Variants in TFPI2 observed in about 807,000 individuals in gnomAD.
TFPI2 encodes the protein placental protein 5.
A neutral mutation model predicts 23.1 loss-of-function variants in TFPI2; 23 were observed. The ratio of observed to expected loss-of-function variants is 1.00; its 90% CI spans 0.72 to 1.41. The LOEUF (loss-of-function observed/expected upper bound fraction) is 1.41. Among genes scored for constraint, TFPI2 ranks in the 40% most tolerant of loss-of-function variants. The pLI is 0.00. For missense variants in TFPI2, 291 were observed against 299.6 expected (o/e 0.97, Z 0.21); for synonymous variants, 119 against 111.7 (o/e 1.07, Z -0.41).
chr7:93,887,384 T>C lies in TFPI2; in HGVS notation c.508A>G (p.Asn170Asp), dbSNP rs1330815192. The C allele has an allele frequency of 1.2e-6, 2 of 1,613,694 alleles. No homozygotes were observed. Among genetic ancestry groups the C allele is most frequent in the Non-Finnish European group, 1.7e-6 (2 of 1,179,810 alleles). The part of the protein sequence containing the change: ...SPKDEGLCSA[N>D]VTRYYFNPRY... ...GGATTAAAATAATAGCGAGTCACAT[T>C]GGCAGAGCACAGTCCCTCATCTTTT... is the stretch of plus-strand genomic sequence containing the variant. Residue 170 changes from asparagine (N) to aspartate (D), a missense_variant, in exon 4 of 5, where the codon AAT (asparagine) becomes GAT (aspartate). Coordinates refer to ENST00000222543, the MANE Select transcript of TFPI2 (RefSeq NM_006528.4).
In TFPI2 at chr7:93,888,011, T is replaced by C. The variant is rs550946222; in HGVS notation, c.461-580A>G. On this transcript the variant is annotated intron_variant, in intron 3 of 4. Transcript: ENST00000222543. ...CAAGTTTTCCTTGTTTGTTGAACTT[T>C]TCAAAAATCTCTGTGTCTGGGGGAA... Among the ~76,000 whole-genome samples, 69 of 152,352 alleles carry C rather than the reference T, an allele frequency of 4.5e-4. No homozygotes were observed. The South Asian group carries it at 0.014, about 30-fold the overall frequency.
chr7:93,890,281 C>G lies in TFPI2; in HGVS notation c.127G>C (p.Gly43Arg). 6.2e-7 allele frequency: 1 copy of G among 1,613,250 alleles called. No homozygotes were observed. The highest frequency in any genetic ancestry group is 8.5e-7 in the Non-Finnish European group (1 of 1,179,332). ...CGGAGAAGTAGGGCCCGGCAGGGTC[C>G]GTAGTCTAGGGGCAGGAGACAGATC... ...AEICLLPLDY[G>R]PCRALLLRYY... The change falls in exon 2 of 5, where the codon GGA becomes CGA. Residue 43 changes from glycine (G) to arginine (R), a missense_variant. Physicochemically the swap from Gly to Arg is moderately radical, Grantham distance 125 (BLOSUM62 -2). Coordinates refer to ENST00000222543, the MANE Select transcript of TFPI2 (RefSeq NM_006528.4).
rs1409311544 is a variant in TFPI2 at position 93,890,242 on chromosome 7, T to C, written c.166A>G (p.Arg56Gly). Residue 56 changes from arginine to glycine, a missense_variant, in exon 2 of 5, where the codon AGG becomes GGG. Arg to Gly is a moderately radical substitution (Grantham distance 125). Coordinates refer to ENST00000222543, the MANE Select transcript of TFPI2 (RefSeq NM_006528.4). ...RALLLRYYYD[R>G]YTQSCRQFLY... ...AACTGGCGGCAGCTCTGCGTGTACC[T>C]GTCGTAGTAGTAACGGAGAAGTAGG... is the stretch of plus-strand genomic sequence containing the variant. 2 of 1,613,876 alleles carry C rather than the reference T, an allele frequency of 1.2e-6. No homozygotes were observed. The highest frequency in any genetic ancestry group is 1.3e-5 in the African/African-American group (1 of 74,918).
chr7:93,889,335 G>T, intron 2 of TFPI2, 112 bp from the exon 3 acceptor site: 1 of 1,007,838 alleles, frequency 9.9e-7, no homozygotes. Context: ...ATTAGTGTTG[G>T]GATAGTAAAT....
rs1793969372 is a variant in TFPI2, at chr7:93,885,448, TG to T, written c.*1371del. On this transcript the variant is annotated 3_prime_UTR_variant, in exon 5 of 5. Coordinates refer to ENST00000222543, the MANE Select transcript of TFPI2 (RefSeq NM_006528.4). The stretch of plus-strand genomic sequence containing the variant: ...TTATTAATTATGTCAAATATTTACA[TG>T]GTCCAAGATAAAAACTATATCACAG... The T allele has an allele frequency of 6.6e-6, 1 of 152,102 alleles. No homozygotes were observed. The highest frequency in any genetic ancestry group is 6.6e-5 in the Admixed American group (1 of 15,260). 9.4% of individuals were successfully genotyped at this position (152,102 alleles called of 1,614,324 possible).
chr7:93,888,968 T>C, intron 3 of TFPI2, 67 bp downstream of exon 3: 1 of 1,420,562 alleles, frequency 7.0e-7, no homozygotes, highest in South Asian at 1.3e-5. Context: ...CGCATCAAAT[T>C]GAGTTTTTTC....
In TFPI2 at chr7:93,890,388, A is replaced by G. The variant is rs151142698; in HGVS notation, c.89-69T>C. ...CAGGCGTAGCTCCTAGGAGGAAAGA[A>G]CATCCCGGGGAGTTCTGTCCCCTTC... On this transcript the variant is annotated intron_variant, in intron 1 of 4. Transcript: ENST00000222543. 2.8e-4 allele frequency: 435 copies of G among 1,530,986 alleles called. No individual in the cohort carries two copies. In the African/African-American group the frequency reaches 5.0e-3, roughly 18 times the overall value. The allele number at this position is 1,530,986 out of a possible 1,614,324, so 94.8% of individuals were successfully genotyped here. A position where few individuals can be genotyped will look rare whatever the true frequency, so the allele number is the denominator to read the frequency against.
intron 2 of TFPI2, among the ~76,000 whole-genome samples, chr7:93,889,678 C>T (rs1423933919): frequency 6.6e-6 from 1 of 151,982 alleles, no homozygotes; most frequent in African/African-American, 2.4e-5. Flanking sequence ...GGTATCGGGA[C>T]AAAAGTAGAG....
At chr7:93,890,101 G>A (rs1215954854) in intron 2 of TFPI2, 36 bp downstream of exon 2, 3 of 1,524,516 alleles carry the variant, frequency 2.0e-6, no homozygotes, top group African/African-American at 2.8e-5. Flanking sequence ...CCGGCGCAAG[G>A]AGCGCGAGAG....
At chr7:93,890,454 G>A in intron 1 of TFPI2, 135 bp from the exon 2 acceptor site, 1 of 1,410,624 alleles carries the variant, frequency 7.1e-7, no homozygotes, top group African/African-American at 1.5e-5. Flanking sequence ...AAACTTGGGA[G>A]CGAGTCCCCC....
At chr7:93,888,571 A>AGGAAGGAG (rs1794049739) in intron 3 of TFPI2, among the ~76,000 whole-genome samples, 1 of 110,644 alleles carries the variant, frequency 9.0e-6, no homozygotes, top group Non-Finnish European at 1.7e-5. Flanking sequence ...GAAGGAAGGA[A>AGGAAGGAG]GGAAGGAAGG....
Position 93,890,282 on chromosome 7 carries a change from G to C in TFPI2, c.126C>G (p.Tyr42Ter). The change falls in exon 2 of 5, where the codon TAC becomes TAG. Residue 42 changes from tyrosine (Y) to a stop codon, truncating the protein, a stop_gained. Transcript: ENST00000222543. LOFTEE classifies it high-confidence loss of function. Reference sequence around the variant, plus strand: ...GGAGAAGTAGGGCCCGGCAGGGTCCGTAGTCTAGGGGCAGGAGACAGATCT... The same window carrying C: ...GGAGAAGTAGGGCCCGGCAGGGTCCCTAGTCTAGGGGCAGGAGACAGATCT... The part of the protein sequence containing the change: ...NAEICLLPLD[Y>*]GPCRALLLRY... 1 of 1,613,122 alleles carries C rather than the reference G, an allele frequency of 6.2e-7. No homozygotes were observed. Among genetic ancestry groups the C allele is most frequent in the Non-Finnish European group, 8.5e-7 (1 of 1,179,220 alleles).
intron 2 of TFPI2, 88 bp from the exon 3 acceptor site, chr7:93,889,311 G>T: frequency 8.0e-7 from 1 of 1,248,096 alleles, no homozygotes; most frequent in Non-Finnish European, 1.1e-6. Flanking sequence ...ATTTTGTGGG[G>T]GGAGAGAAGT....
chr7:93,888,980 A>G (rs1221493623), intron 3 of TFPI2, 55 bp downstream of exon 3: 2 of 1,525,704 alleles, frequency 1.3e-6, no homozygotes, highest in African/African-American at 2.8e-5. Flanking sequence ...AGTTTTTTCC[A>G]CCCAAATGTC....
chr7:93,889,514 A>C (rs1238542116), intron 2 of TFPI2, among the ~76,000 whole-genome samples: 5 of 152,182 alleles, frequency 3.3e-5, no homozygotes, highest in Non-Finnish European at 7.4e-5. Context: ...ATTCACATGA[A>C]TACGCATTTT....
chr7:93,888,613 A>G (rs1294874968), intron 3 of TFPI2, among the ~76,000 whole-genome samples: 3 of 143,490 alleles, frequency 2.1e-5, no homozygotes, highest in African/African-American at 8.1e-5. Flanking sequence ...GAAAGAGAAA[A>G]AGAAAGGAGA....
intron 3 of TFPI2, 134 bp downstream of exon 3, chr7:93,888,901 T>G: frequency 1.2e-6 from 1 of 843,022 alleles, no homozygotes; most frequent in Non-Finnish European, 1.8e-6. Context: ...CCTAAGAACT[T>G]GACAAGTCAC....
Position 93,886,228 on chromosome 7 carries a change from AGAG to A in TFPI2, c.*589_*591del, listed in dbSNP as rs1677925230. The stretch of plus-strand genomic sequence containing the variant: ...ATAAATAGATAGAAATTGCTTTCCC[AGAG>A]GAGAACATTTCTGGCTTTAATAAAT... On this transcript the variant is annotated 3_prime_UTR_variant, in exon 5 of 5. Transcript: ENST00000222543. 1 of 152,106 alleles carries A rather than the reference AGAG, an allele frequency of 6.6e-6. No individual in the cohort carries two copies. Among genetic ancestry groups the A allele is most frequent in the Admixed American group, 6.5e-5 (1 of 15,286 alleles). 9.4% of individuals were successfully genotyped at this position (152,106 alleles called of 1,614,324 possible).
intron 3 of TFPI2, among the ~76,000 whole-genome samples, chr7:93,888,496 A>AAAAG (rs1339150720): frequency 4.7e-5 from 7 of 150,284 alleles, no homozygotes; most frequent in East Asian, 2.0e-4. Flanking sequence ...GTCGAAAGAA[A>AAAAG]AAAGAAAGAA....
Sources: gnomAD v4.1 joint callset for allele counts (sites outside exome capture counted in the v4.1 genomes callset) on GRCh38, gnomAD v4.1.1 for gene constraint, MANE v1.5 for transcripts, NCBI Gene and HGNC (gene_info 2026-07-23, HGNC 2026-07-21) for gene names.